The following ATG7 variants were observed in gnomAD, a reference collection of about 807,000 sequenced individuals.
The protein encoded by ATG7 is ubiquitin-like modifier-activating enzyme ATG7.
Under a neutral mutation model 82.4 loss-of-function variants are expected in ATG7, and 70 were observed. The ratio of observed to expected loss-of-function variants is 0.85; its 90% CI spans 0.70 to 1.04. ATG7 has a LOEUF of 1.04. Ranked by LOEUF, ATG7 falls within the 50% of genes least tolerant of loss-of-function variation. The pLI is 0.00. For synonymous variants in ATG7, 287 were observed against 313.0 expected (o/e 0.92, Z 0.88); for missense variants, 792 against 864.3 (o/e 0.92, Z 1.05).
chr3:11,519,539 GTTTTTTTTTTTTTTTTTTTT>G (rs574523805), intron 20 of ATG7, among the ~76,000 whole-genome samples: 868 of 62,196 alleles, frequency 0.014, 12 homozygotes, highest in African/African-American at 0.041. Flanking sequence ...AGTGAGAGGA[GTTTTTTTTTTTTTTTTTTTT>G]TTTTTTTTTT....
chr3:11,380,710 C>T (rs1173853027), intron 19 of ATG7, among the ~76,000 whole-genome samples: 3 of 152,200 alleles, frequency 2.0e-5, no homozygotes, highest in African/African-American at 7.2e-5. Context: ...TTTCAGCCTT[C>T]TGCTGCCCAG....
At position 11,550,753 on chromosome 3, in the gene ATG7, T is replaced by G. The variant is rs112387796; in HGVS notation, c.2080-4058T>G. On this transcript the variant is annotated intron_variant, in intron 20 of 20. Transcript: ENST00000693202. ...ATGAGCCCTTTATGGTATGTTGTTA[T>G]GTTTTCTCTCAGTTTGCCTTTTTGA... Among the ~76,000 whole-genome samples the G allele has an allele frequency of 3.3e-5, 5 of 151,786 alleles. No individual in the cohort carries two copies. The South Asian group carries it at 6.2e-4, about 19-fold the overall frequency.
intron 20 of ATG7, among the ~76,000 whole-genome samples, chr3:11,485,910 T>C (rs1272772504): frequency 6.6e-6 from 1 of 152,086 alleles, no homozygotes; most frequent in East Asian, 1.9e-4. Context: ...TATCTCTGTT[T>C]TGGTACCAGT....
At chr3:11,568,826 A>C in the ATG7 span, 1 of 1,411,506 alleles carries the variant, frequency 7.1e-7, no homozygotes. This position sits in a 1 kb window ranked among gnomAD's most constrained non-coding sequence, Gnocchi z 5.9. Context: ...CGAACACCCA[A>C]AGGACTCTGA....
intron 11 of ATG7, 50 bp downstream of exon 11, chr3:11,333,143 G>A (rs748522735): frequency 6.1e-6 from 9 of 1,487,270 alleles, no homozygotes; most frequent in South Asian, 4.1e-5. Context: ...TATCAGAAAC[G>A]GAACCAGGTT....
chr3:11,410,399 A>G (rs2080785909), intron 19 of ATG7, among the ~76,000 whole-genome samples: 2 of 152,126 alleles, frequency 1.3e-5, no homozygotes, highest in East Asian at 1.9e-4. Flanking sequence ...TGACAAATGT[A>G]CTTTATTCAT....
intron 20 of ATG7, among the ~76,000 whole-genome samples, chr3:11,491,366 C>CA (rs2090338247): frequency 6.6e-6 from 1 of 152,154 alleles, no homozygotes; most frequent in Non-Finnish European, 1.5e-5. Flanking sequence ...TCTAGTTATA[C>CA]ATTCGTCTAA....
chr3:11,485,466 G>A (rs972406221), intron 20 of ATG7, among the ~76,000 whole-genome samples: 1 of 152,162 alleles, frequency 6.6e-6, no homozygotes, highest in South Asian at 2.1e-4. Flanking sequence ...AGTAGGTTGT[G>A]AAAATTTTCT....
the ATG7 span, chr3:11,564,896 G>T: frequency 1.4e-5 from 22 of 1,607,704 alleles, no homozygotes; most frequent in Non-Finnish European, 1.9e-5. Context: ...CCAGGCCAAG[G>T]CTGGGGAGGG....
intron 20 of ATG7, among the ~76,000 whole-genome samples, chr3:11,495,740 A>G (rs1355621921): frequency 6.6e-6 from 1 of 152,188 alleles, no homozygotes; most frequent in Non-Finnish European, 1.5e-5. Flanking sequence ...GATATCACCA[A>G]GTTTCTATTT....
rs536592526 is a variant in ATG7, at chr3:11,481,644, T to G, written c.2079+54718T>G. ...TGTATAACCTTTCCTGGGTTGGGCCTTGGACTTAATGTCAGCACCACCACA... is the reference window on the plus strand; with the variant it reads ...TGTATAACCTTTCCTGGGTTGGGCCGTGGACTTAATGTCAGCACCACCACA... On this transcript the variant is annotated intron_variant, in intron 20 of 20. Transcript: ENST00000693202. Among the ~76,000 whole-genome samples the G allele has an allele frequency of 6.6e-5, 10 of 152,344 alleles. No individual in the cohort carries two copies. In the East Asian group the frequency reaches 1.4e-3, roughly 21 times the overall value.
rs532872095 is a variant in ATG7 at position 11,342,752 on chromosome 3, C to T, written c.1125+473C>T. On this transcript the variant is annotated intron_variant, in intron 13 of 20. Coordinates refer to ENST00000693202, the MANE Select transcript of ATG7 (RefSeq NM_001349232.2). The stretch of plus-strand genomic sequence containing the variant: ...ACTATGTTCTTTATTTAATCAATTT[C>T]AGATTACTTTCTATTTTTTTCTATT... Among the ~76,000 whole-genome samples, 4 of 151,636 alleles carry T rather than the reference C, an allele frequency of 2.6e-5. No homozygotes were observed. In the East Asian group the frequency reaches 7.7e-4, roughly 29 times the overall value.
At chr3:11,435,569 A>T (rs2083294133) in intron 20 of ATG7, among the ~76,000 whole-genome samples, 1 of 152,192 alleles carries the variant, frequency 6.6e-6, no homozygotes, top group Non-Finnish European at 1.5e-5. Flanking sequence ...AAAGTGTATG[A>T]GTAACCCGAA....
In ATG7 at chr3:11,331,401, A is replaced by AT; in HGVS notation, c.746dup (p.Leu249PhefsTer10). 6.2e-7 allele frequency: 1 copy of AT among 1,612,946 alleles called. No individual in the cohort carries two copies. The highest frequency in any genetic ancestry group is 8.5e-7 in the Non-Finnish European group (1 of 1,178,966). On this transcript the variant is annotated frameshift_variant, in exon 10 of 21. Coordinates refer to ENST00000693202, the MANE Select transcript of ATG7 (RefSeq NM_001349232.2). LOFTEE classifies it high-confidence loss of function. ...CAGTACCCTGGATGGCCTTTGAGGA[A>AT]TTTTTTGGTCCTAGCAGCCCACAGA... is the stretch of plus-strand genomic sequence containing the variant.
chr3:11,558,247 A>C (rs917343053), downstream of ATG7: 3 of 450,954 alleles, frequency 6.7e-6, no homozygotes, highest in African/African-American at 3.9e-5. Context: ...AGCGCTGTGG[A>C]GTCCTGGCCC....
chr3:11,322,587 T>C (rs1209747119), intron 9 of ATG7, among the ~76,000 whole-genome samples: 2 of 152,244 alleles, frequency 1.3e-5, no homozygotes, highest in Non-Finnish European at 2.9e-5. Flanking sequence ...TTTGTTTTAT[T>C]GTAGCATTTT....
At chr3:11,347,725 G>A (rs1231466919) in intron 13 of ATG7, 152 bp from the exon 14 acceptor site, 3 of 761,262 alleles carry the variant, frequency 3.9e-6, no homozygotes, top group East Asian at 3.0e-5. Flanking sequence ...TCTGTTTATC[G>A]TAACCTGAAT....
At chr3:11,342,047 T>G in intron 12 of ATG7, 88 bp from the exon 13 acceptor site, 1 of 1,401,882 alleles carries the variant, frequency 7.1e-7, no homozygotes, top group Non-Finnish European at 9.5e-7. Flanking sequence ...TTATTATTTC[T>G]TATTTTCTTG....
At chr3:11,341,054 A>G (rs1173328565) in intron 12 of ATG7, among the ~76,000 whole-genome samples, 1 of 151,054 alleles carries the variant, frequency 6.6e-6, no homozygotes, top group Non-Finnish European at 1.5e-5. Context: ...CTATTGGCCC[A>G]CTCCCCCGCC....
Sources: gnomAD v4.1 joint callset for allele counts (sites outside exome capture counted in the v4.1 genomes callset) on GRCh38, gnomAD v4.1.1 for gene constraint, Gnocchi (gnomAD v3.1) non-coding constraint, MANE v1.5 for transcripts, NCBI Gene and HGNC (gene_info 2026-07-23, HGNC 2026-07-21) for gene names.